CDH12: variants seen among roughly 807,000 people sequenced by gnomAD.
CDH12 encodes cadherin-12.
A neutral mutation model predicts 74.1 loss-of-function variants in CDH12; 41 were observed. The ratio of observed to expected loss-of-function variants is 0.55; its 90% CI spans 0.43 to 0.72. The LOEUF (loss-of-function observed/expected upper bound fraction) is 0.72, where lower values mean the gene tolerates loss of function less well. CDH12 is among the 30% of genes least tolerant of loss of function. CDH12 has a pLI of 0.00. For missense variants in CDH12, 945 were observed against 977.2 expected (o/e 0.97, Z 0.44); for synonymous variants, 399 against 355.0 (o/e 1.12, Z -1.39).
chr5:22,302,828 G>A (rs182788906), intron 3 of CDH12, among the ~76,000 whole-genome samples: 1 of 152,102 alleles, frequency 6.6e-6, no homozygotes, highest in Admixed American at 6.5e-5. Context: ...AATGTTAAGT[G>A]CACTAGGAAC....
intron 3 of CDH12, among the ~76,000 whole-genome samples, chr5:22,235,918 T>C (rs1421614972): frequency 1.3e-5 from 2 of 152,236 alleles, no homozygotes; most frequent in Admixed American, 6.5e-5. Context: ...CTATATGGTG[T>C]ACTCTATTGC....
chr5:22,800,053 G>A (rs1748432472), intron 1 of CDH12, among the ~76,000 whole-genome samples: 1 of 152,122 alleles, frequency 6.6e-6, no homozygotes, highest in Non-Finnish European at 1.5e-5. Context: ...AAGAGGTCTG[G>A]GGAAAATGGT....
chr5:22,174,006 A>T (rs1012195041), intron 4 of CDH12, among the ~76,000 whole-genome samples: 1 of 152,000 alleles, frequency 6.6e-6, no homozygotes, highest in Admixed American at 6.6e-5. Context: ...TGTGAAACAC[A>T]TTAGGTGAAT....
intron 6 of CDH12, among the ~76,000 whole-genome samples, chr5:21,903,677 G>A (rs530541252): frequency 6.6e-6 from 1 of 152,174 alleles, no homozygotes; most frequent in Non-Finnish European, 1.5e-5. Flanking sequence ...ATATAACAGT[G>A]TCATAAAATA....
intron 3 of CDH12, among the ~76,000 whole-genome samples, chr5:22,240,513 C>T (rs1176017133): frequency 1.3e-5 from 2 of 152,094 alleles, no homozygotes; most frequent in East Asian, 1.9e-4. Flanking sequence ...AGAGGACGGG[C>T]AAAAGAATAC....
At chr5:22,327,396 G>A (rs1280722264) in intron 3 of CDH12, among the ~76,000 whole-genome samples, 1 of 151,372 alleles carries the variant, frequency 6.6e-6, no homozygotes, top group Non-Finnish European at 1.5e-5. Flanking sequence ...CTTACCATGA[G>A]AGCCACTGAC....
chr5:22,185,346 G>C (rs1580372520), intron 4 of CDH12, among the ~76,000 whole-genome samples: 1 of 152,086 alleles, frequency 6.6e-6, no homozygotes, highest in South Asian at 2.1e-4. Context: ...TTACAGGTGT[G>C]CACCTCCATG....
At chr5:22,103,299 G>C (rs1310153232) in intron 4 of CDH12, among the ~76,000 whole-genome samples, 1 of 150,826 alleles carries the variant, frequency 6.6e-6, no homozygotes, top group African/African-American at 2.4e-5. Context: ...GAGTTGTGAT[G>C]CTCTTATGAT....
At chr5:21,761,172 A>G (rs1421480601) in intron 12 of CDH12, among the ~76,000 whole-genome samples, 1 of 152,120 alleles carries the variant, frequency 6.6e-6, no homozygotes, top group African/African-American at 2.4e-5. Flanking sequence ...TGCTTTTGTT[A>G]TGTTTTTCTT....
chr5:22,105,340 A>G (rs903313673), intron 4 of CDH12, among the ~76,000 whole-genome samples: 29 of 149,614 alleles, frequency 1.9e-4, no homozygotes, highest in African/African-American at 6.8e-4. Context: ...TGATCCGCCC[A>G]CCTCGGCCCC....
At chr5:22,333,986 A>T (rs1739457406) in intron 3 of CDH12, among the ~76,000 whole-genome samples, 1 of 152,188 alleles carries the variant, frequency 6.6e-6, no homozygotes, top group Non-Finnish European at 1.5e-5. Flanking sequence ...CCTCAACCTA[A>T]TTAAAGCCAT....
chr5:21,837,729 T>A (rs936498383), intron 8 of CDH12, among the ~76,000 whole-genome samples: 2 of 152,148 alleles, frequency 1.3e-5, no homozygotes, highest in African/African-American at 4.8e-5. Context: ...CTCTAAAGGA[T>A]GTAATTCAAA....
intron 1 of CDH12, among the ~76,000 whole-genome samples, chr5:22,840,198 G>C (rs1440472492): frequency 2.0e-5 from 3 of 152,132 alleles, no homozygotes; most frequent in Non-Finnish European, 2.9e-5. Context: ...TTGGCGCGCT[G>C]CAACCTCTGC....
intron 11 of CDH12, among the ~76,000 whole-genome samples, chr5:21,769,516 G>C (rs549379942): frequency 6.6e-6 from 1 of 152,180 alleles, no homozygotes; most frequent in African/African-American, 2.4e-5. Context: ...AAGGAAAGGA[G>C]GATAGATCTC....
At chr5:22,511,437 A>G (rs1438041384) in intron 1 of CDH12, among the ~76,000 whole-genome samples, 2 of 152,216 alleles carry the variant, frequency 1.3e-5, no homozygotes, top group Non-Finnish European at 1.5e-5. Flanking sequence ...AATATTTACA[A>G]AAAGAAAAAA....
chr5:22,092,375 G>A (rs1743487855), intron 4 of CDH12, among the ~76,000 whole-genome samples: 1 of 152,082 alleles, frequency 6.6e-6, no homozygotes, highest in Non-Finnish European at 1.5e-5. Flanking sequence ...CACTTGACAA[G>A]AGACTTGTAT....
At position 22,478,881 on chromosome 5, in the gene CDH12, G is replaced by A. The variant is rs1332211885; in HGVS notation, c.-428+26389C>T. Among the ~76,000 whole-genome samples the A allele has an allele frequency of 2.0e-5, 3 of 152,074 alleles. No individual in the cohort carries two copies. The East Asian group carries it at 5.8e-4, about 29-fold the overall frequency. ...GATAATTTTGAAAGGTCTTTTCCTA[G>A]TGTAATTAAAGAACGAAATGGAGGA... On this transcript the variant is annotated intron_variant, in intron 2 of 14. Transcript: ENST00000382254.
chr5:22,386,154 AG>A (rs1313740188), intron 3 of CDH12, among the ~76,000 whole-genome samples: 1 of 152,122 alleles, frequency 6.6e-6, no homozygotes, highest in Admixed American at 6.5e-5. Flanking sequence ...GGTCTCAAAA[AG>A]TGTTAAGATT....
chr5:22,760,706 A>C (rs1220602468), intron 1 of CDH12, among the ~76,000 whole-genome samples: 1 of 151,688 alleles, frequency 6.6e-6, no homozygotes, highest in Non-Finnish European at 1.5e-5. Flanking sequence ...AAAAACAAAA[A>C]AAAAAAGGTA....
Sources: allele counts gnomAD v4.1 joint callset (sites outside exome capture counted in the v4.1 genomes callset), GRCh38; gene constraint gnomAD v4.1.1; transcripts MANE v1.5; gene names NCBI Gene and HGNC (gene_info 2026-07-23, HGNC 2026-07-21).